Variants in DNAH11 observed in about 807,000 individuals in gnomAD.
DNAH11 encodes the protein axonemal beta dynein heavy chain 11.
Under a neutral mutation model 526.0 loss-of-function variants are expected in DNAH11, and 442 were observed. The observed-to-expected ratio is 0.84, with a 90% CI of 0.78 to 0.91. The LOEUF (loss-of-function observed/expected upper bound fraction) is 0.91. Ranked by LOEUF, DNAH11 falls within the 40% of genes least tolerant of loss-of-function variation. DNAH11 has a pLI of 0.00. For synonymous variants in DNAH11, 2,461 were observed against 1,935.9 expected, an observed-to-expected ratio of 1.27 and a Z score of -7.12; for missense variants, 6,989 against 5,448.7, an observed-to-expected ratio of 1.28 and a Z score of -8.90.
In DNAH11 at chr7:21,816,608, T is replaced by C; in HGVS notation, c.10474T>C (p.Trp3492Arg). The C allele has an allele frequency of 3.7e-6, 6 of 1,613,746 alleles. No individual in the cohort carries two copies. The highest frequency in any genetic ancestry group is 5.1e-6 in the Non-Finnish European group (6 of 1,179,802). ...CGCTATCCTAACACACTGTGAGCGC[T>C]GGCCTCTGGTGATAGATCCCCAGCA... ...NAAILTHCER[W>R]PLVIDPQQQG... Residue 3492 changes from tryptophan (W) to arginine (R), a missense_variant, in exon 64 of 82, where the codon TGG becomes CGG. Coordinates refer to ENST00000409508, the MANE Select transcript of DNAH11 (RefSeq NM_001277115.2).
chr7:21,639,018 TCTG>T lies in DNAH11; in HGVS notation c.4901_4903del (p.Ala1634del), dbSNP rs1208411036. ...CTTTCCTCGCTTCTATTTCGTCTCTTCTGCTGATTTACTTGACATTCTCTCAAA... is the reference window on the plus strand; with the variant it reads ...CTTTCCTCGCTTCTATTTCGTCTCTTCTGATTTACTTGACATTCTCTCAAA... On this transcript the variant is annotated inframe_deletion, in exon 28 of 82. Coordinates refer to ENST00000409508, the MANE Select transcript of DNAH11 (RefSeq NM_001277115.2). The T allele has an allele frequency of 4.3e-6, 7 of 1,613,622 alleles. No homozygotes were observed. The highest frequency in any genetic ancestry group is 5.1e-6 in the Non-Finnish European group (6 of 1,179,730).
intron 42 of DNAH11, 113 bp downstream of exon 42, chr7:21,711,973 C>A: frequency 8.0e-7 from 1 of 1,249,944 alleles, no homozygotes; most frequent in South Asian, 1.5e-5. Flanking sequence ...CACCACCATC[C>A]ATCTCTGGAA....
At chr7:21,628,970 T>C (rs1404003602) in intron 25 of DNAH11, among the ~76,000 whole-genome samples, 2 of 152,168 alleles carry the variant, frequency 1.3e-5, no homozygotes, top group Non-Finnish European at 1.5e-5. Context: ...TTTTTGCTTT[T>C]CTAGTTCCTT....
chr7:21,637,633 A>C lies in DNAH11; in HGVS notation c.4748A>C (p.Lys1583Thr). 1 of 1,588,990 alleles carries C rather than the reference A, an allele frequency of 6.3e-7. No individual in the cohort carries two copies. Among genetic ancestry groups the C allele is most frequent in the Non-Finnish European group, 8.6e-7 (1 of 1,166,728 alleles). The part of the protein sequence containing the change: ...EFKELMFKTA[K>T]VENVLEATCR... ...CAGGAGTTAATGTTCAAGACAGCCA[A>C]AGTAGAAAATGTGTTAGAAGCAACG... The change falls in exon 27 of 82, where the codon AAA becomes ACA. Residue 1583 changes from lysine (K) to threonine (T), a missense_variant. By Grantham distance (78) the Lys-to-Thr change is moderately conservative. Coordinates refer to ENST00000409508, the MANE Select transcript of DNAH11 (RefSeq NM_001277115.2).
rs568172146 is a variant in DNAH11, at chr7:21,781,708, G to C, written c.9483+2604G>C. Among the ~76,000 whole-genome samples, 3 of 152,268 alleles carry C rather than the reference G, an allele frequency of 2.0e-5. No homozygotes were observed. In the South Asian group the frequency reaches 6.2e-4, roughly 32 times the overall value. ...CATAAGGAAATTCTTATAATCTAAA[G>C]GCAGACAAGTGCACTGTATCCACTT... On this transcript the variant is annotated intron_variant, in intron 57 of 81. Transcript: ENST00000409508.
intron 28 of DNAH11, among the ~76,000 whole-genome samples, chr7:21,649,849 A>G (rs1787546946): frequency 6.6e-6 from 1 of 152,032 alleles, no homozygotes. Context: ...TATTTTTAGT[A>G]GAGATGGGGT....
At chr7:21,784,335 T>G in intron 57 of DNAH11, 92 bp from the exon 58 acceptor site, 1 of 924,002 alleles carries the variant, frequency 1.1e-6, no homozygotes, top group South Asian at 1.4e-5. Flanking sequence ...AATGAATTAT[T>G]TAACAGTGCA....
chr7:21,583,072 A>T (rs1410859903), intron 9 of DNAH11, among the ~76,000 whole-genome samples: 2 of 152,232 alleles, frequency 1.3e-5, no homozygotes, highest in East Asian at 1.9e-4. Context: ...TCTTCACAGA[A>T]TTAGAAAAAA....
chr7:21,549,903 A>G (rs560989731), intron 2 of DNAH11, among the ~76,000 whole-genome samples: 2 of 152,302 alleles, frequency 1.3e-5, no homozygotes, highest in South Asian at 2.1e-4. Context: ...CCTGGCAGGC[A>G]TTAAATCTTA....
intron 61 of DNAH11, among the ~76,000 whole-genome samples, chr7:21,800,711 A>C (rs1431168263): frequency 6.6e-6 from 1 of 152,200 alleles, no homozygotes; most frequent in Non-Finnish European, 1.5e-5. Context: ...CACTGCCTGA[A>C]CTATGAACCC....
intron 52 of DNAH11, 45 bp from the exon 53 acceptor site, chr7:21,749,633 G>T: frequency 6.2e-7 from 1 of 1,608,914 alleles, no homozygotes; most frequent in South Asian, 1.1e-5. Context: ...TCTCAACGCC[G>T]CATCAGCATT....
chr7:21,599,356 C>T lies in DNAH11; in HGVS notation c.2668-431C>T, dbSNP rs552946337. 2.6e-5 allele frequency among the ~76,000 whole-genome samples: 4 copies of T among 152,334 alleles called. No homozygotes were observed. In the East Asian group the frequency reaches 7.7e-4, roughly 29 times the overall value. ...CATAGTACTTCACTGACTTGATAGT[C>T]TTCAGATGTTCCAGAACAGTGTTCT... On this transcript the variant is annotated intron_variant, in intron 14 of 81. Transcript: ENST00000409508.
At chr7:21,786,297 T>C (rs535583802) in intron 58 of DNAH11, among the ~76,000 whole-genome samples, 417 of 99,266 alleles carry the variant, frequency 4.2e-3, no homozygotes, top group African/African-American at 0.017. Context: ...TTACAACATA[T>C]ACACATGTGT....
At chr7:21,743,031 C>T (rs1785982540) in intron 49 of DNAH11, among the ~76,000 whole-genome samples, 1 of 152,200 alleles carries the variant, frequency 6.6e-6, no homozygotes. Context: ...CCCAGCACCC[C>T]TTTCATTAGA....
At chr7:21,817,867 C>T (rs1789871077) in intron 64 of DNAH11, among the ~76,000 whole-genome samples, 1 of 152,068 alleles carries the variant, frequency 6.6e-6, no homozygotes, top group Non-Finnish European at 1.5e-5. Context: ...GCATTTAATA[C>T]ATGAAACTTT....
chr7:21,745,912 G>T (rs2128491946), intron 51 of DNAH11, among the ~76,000 whole-genome samples: 1 of 152,296 alleles, frequency 6.6e-6, no homozygotes, highest in Non-Finnish European at 1.5e-5. Context: ...TAGACAGAGA[G>T]CAGATTGCAT....
intron 25 of DNAH11, among the ~76,000 whole-genome samples, chr7:21,628,991 G>C (rs1363466083): frequency 5.3e-5 from 8 of 151,992 alleles, no homozygotes; most frequent in Non-Finnish European, 4.4e-5. Context: ...GAGGTGTATT[G>C]TTAGGTTGTT....
chr7:21,720,945 T>C (rs2128483939), intron 44 of DNAH11, 89 bp downstream of exon 44: 2 of 1,484,836 alleles, frequency 1.3e-6, no homozygotes, highest in East Asian at 2.4e-5. Flanking sequence ...CTGTACCTTT[T>C]TGTTATGTTA....
intron 2 of DNAH11, among the ~76,000 whole-genome samples, chr7:21,552,399 C>A (rs1783055891): frequency 1.3e-5 from 2 of 152,044 alleles, no homozygotes; most frequent in African/African-American, 4.8e-5. Flanking sequence ...AAAGGCAGAC[C>A]CACTATTCCC....
Sources: allele counts gnomAD v4.1 joint callset (sites outside exome capture counted in the v4.1 genomes callset), GRCh38; gene constraint gnomAD v4.1.1; transcripts MANE v1.5; gene names NCBI Gene and HGNC (gene_info 2026-07-23, HGNC 2026-07-21).